The following PTCH2 variants were observed in gnomAD, a reference collection of about 807,000 sequenced individuals.
PTCH2 encodes protein patched homolog 2.
PTCH2 carries 96 observed loss-of-function variants against 117.9 expected under a neutral mutation model. That is an observed-to-expected ratio of 0.81 (90% CI 0.69 to 0.96). The LOEUF is 0.96. Ranked by LOEUF, PTCH2 falls within the 50% of genes least tolerant of loss-of-function variation. The pLI is 0.00. For synonymous variants in PTCH2, 615 were observed against 660.9 expected (o/e 0.93, Z 1.06); for missense variants, 1,379 against 1,562.5 (o/e 0.88, Z 1.98).
downstream of PTCH2, among the ~76,000 whole-genome samples, chr1:44,821,345 C>T (rs370393809): frequency 2.2e-4 from 34 of 152,190 alleles, no homozygotes; most frequent in Non-Finnish European, 4.7e-4. Context: ...GAGCAGTTCC[C>T]GCAACTGATC....
chr1:44,832,093 C>T (rs1653477121), intron 3 of PTCH2, 49 bp from the exon 4 acceptor site: 4 of 1,611,962 alleles, frequency 2.5e-6, no homozygotes, highest in African/African-American at 1.3e-5. Flanking sequence ...GGGATTCCCA[C>T]TCCAGAACCC....
chr1:44,828,037 G>A lies in PTCH2; in HGVS notation c.1864C>T (p.His622Tyr), dbSNP rs11573586. The A allele has an allele frequency of 0.012, 19,063 of 1,614,188 alleles. 126 individuals are homozygous for A. The highest frequency in any genetic ancestry group is 0.014 in the Non-Finnish European group (16,725 of 1,180,028). Residue 622 changes from histidine (H) to tyrosine (Y), a missense_variant, in exon 14 of 22, where the codon CAC becomes TAC. Physicochemically the swap from His to Tyr is moderately conservative, Grantham distance 83. Transcript: ENST00000372192. ...HVVTILPPQA[H>Y]LVPPPSDPLG... The stretch of plus-strand genomic sequence containing the variant: ...GGGTCAGAAGGTGGGGGCACCAGGT[G>A]GGCTTGGGGAGGCAGGATGGTGACC...
chr1:44,827,382 C>T lies in PTCH2; in HGVS notation c.2371+20G>A, dbSNP rs763650971. The T allele has an allele frequency of 6.2e-7, 1 of 1,613,758 alleles. No individual in the cohort carries two copies. The highest frequency in any genetic ancestry group is 1.1e-5 in the South Asian group (1 of 91,090). On this transcript the variant is annotated intron_variant, in intron 15 of 21. Coordinates refer to ENST00000372192, the MANE Select transcript of PTCH2 (RefSeq NM_003738.5). ...TTTCTCCCTGCAGCACCCCTCCCTG[C>T]CCGTCTCCTCGCCTCTCACCCTGTA... is the stretch of plus-strand genomic sequence containing the variant.
chr1:44,830,737 G>C, intron 6 of PTCH2, 111 bp downstream of exon 6: 1 of 1,125,376 alleles, frequency 8.9e-7, no homozygotes, highest in Non-Finnish European at 1.2e-6. Flanking sequence ...ATAATGGCCA[G>C]GAAGTGGGGG....
chr1:44,842,811 G>A (rs1654012515), intron 1 of PTCH2, 50 bp downstream of exon 1: 1 of 1,501,054 alleles, frequency 6.7e-7, no homozygotes, highest in Non-Finnish European at 9.1e-7. Flanking sequence ...AGGCCCGAGT[G>A]ACAGACCTGG....
Position 44,822,138 on chromosome 1 carries a change from A to G in PTCH2, c.*277T>C, listed in dbSNP as rs1573637810. ...CTCAGGCTTGGTCAGCTGGGCAGGC[A>G]GTGGTGTGGGGTGGGAAGGGGGACA... is the stretch of plus-strand genomic sequence containing the variant. On this transcript the variant is annotated 3_prime_UTR_variant, in exon 22 of 22. Transcript: ENST00000372192. The G allele has an allele frequency of 7.1e-7, 1 of 1,404,972 alleles. No individual in the cohort carries two copies. Among genetic ancestry groups the G allele is most frequent in the East Asian group, 2.7e-5 (1 of 36,750 alleles). The allele number at this position is 1,404,972 out of a possible 1,614,324, so 87.0% of individuals were successfully genotyped here.
At chr1:44,822,719 G>T in intron 21 of PTCH2, 50 bp from the exon 22 acceptor site, 1 of 1,568,102 alleles carries the variant, frequency 6.4e-7, no homozygotes, top group Non-Finnish European at 8.8e-7. Flanking sequence ...TGGGGCTCCC[G>T]TCCCCTTTAG....
chr1:44,829,404 T>C lies in PTCH2; in HGVS notation c.1213A>G (p.Met405Val), dbSNP rs780088473. Residue 405 changes from methionine to valine, a missense_variant and splice_region_variant, in exon 9 of 22, where the codon ATG becomes GTG. Physicochemically the swap from Met to Val is conservative, Grantham distance 21. Coordinates refer to ENST00000372192, the MANE Select transcript of PTCH2 (RefSeq NM_003738.5). ...AAGGTGCCAGGTGCAAGACCCACCA[T>C]GAGCAGATAGCCTCCCACCACACGG... ...AARVVGGYLL[M>V]LAYACVTMLR... 6 of 1,614,132 alleles carry C rather than the reference T, an allele frequency of 3.7e-6. No homozygotes were observed. The South Asian group carries it at 4.4e-5, about 12-fold the overall frequency.
intron 2 of PTCH2, among the ~76,000 whole-genome samples, chr1:44,837,563 T>G (rs1218208535): frequency 2.0e-5 from 3 of 152,072 alleles, no homozygotes; most frequent in African/African-American, 7.2e-5. Flanking sequence ...CCTTATTTTA[T>G]TTTTTAATTT....
chr1:44,822,294 GGA>G lies in PTCH2; in HGVS notation c.*119_*120del. The G allele has an allele frequency of 1.3e-6, 2 of 1,590,252 alleles. No homozygotes were observed. The highest frequency in any genetic ancestry group is 2.2e-5 in the South Asian group (2 of 89,570). On this transcript the variant is annotated 3_prime_UTR_variant, in exon 22 of 22. Coordinates refer to ENST00000372192, the MANE Select transcript of PTCH2 (RefSeq NM_003738.5). Reference sequence around the variant, plus strand: ...AGGGAGGCCCATGACAGCTGGGTCGGGAGAGGGGATGCAGCAGCAGCAGGGCC... The same window carrying G: ...AGGGAGGCCCATGACAGCTGGGTCGGGAGGGGATGCAGCAGCAGCAGGGCC...
At chr1:44,838,417 T>G (rs1189388088) in intron 2 of PTCH2, among the ~76,000 whole-genome samples, 1 of 152,110 alleles carries the variant, frequency 6.6e-6, no homozygotes, top group Non-Finnish European at 1.5e-5. Context: ...AATTTTGTAT[T>G]TGGAGTAGAG....
chr1:44,835,854 C>G (rs149196405), intron 2 of PTCH2, among the ~76,000 whole-genome samples: 103 of 152,318 alleles, frequency 6.8e-4, no homozygotes, highest in South Asian at 2.9e-3. Context: ...TGTTTCGGTA[C>G]TGCTAAGAGT....
chr1:44,838,316 A>T (rs1406960951), intron 2 of PTCH2, among the ~76,000 whole-genome samples: 2 of 152,156 alleles, frequency 1.3e-5, no homozygotes, highest in African/African-American at 2.4e-5. Context: ...ATCTCGGCTC[A>T]CTGCAAACTC....
intron 2 of PTCH2, among the ~76,000 whole-genome samples, chr1:44,841,535 G>A (rs755155183): frequency 1.3e-5 from 2 of 152,198 alleles, no homozygotes; most frequent in African/African-American, 2.4e-5. Flanking sequence ...GATGAATCTT[G>A]TTTTAGCTGC....
chr1:44,830,071 C>T (rs566261805), intron 6 of PTCH2, 41 bp from the exon 7 acceptor site: 37 of 1,609,628 alleles, frequency 2.3e-5, no homozygotes, highest in East Asian at 1.3e-4. Context: ...AGGCCCTGGC[C>T]GTGGATAACT....
In PTCH2 at chr1:44,823,482, C is replaced by T. The variant is rs1290787818; in HGVS notation, c.3115-97G>A. On this transcript the variant is annotated intron_variant, in intron 19 of 21. Transcript: ENST00000372192. The surrounding 1 kb of genome is among the most constrained non-coding windows in gnomAD (Gnocchi z 5.1). ...ATCTGTCTTCAGAGCTCAACGATACCTTGGCCCACCAAAGGCTGGGTGAAC... is the reference window on the plus strand; with the variant it reads ...ATCTGTCTTCAGAGCTCAACGATACTTTGGCCCACCAAAGGCTGGGTGAAC... The T allele has an allele frequency of 7.1e-6, 11 of 1,552,326 alleles. No individual in the cohort carries two copies. The African/African-American group carries it at 8.1e-5, about 11-fold the overall frequency.
chr1:44,825,144 T>A (rs1254090393), intron 19 of PTCH2, among the ~76,000 whole-genome samples: 1 of 152,196 alleles, frequency 6.6e-6, no homozygotes, highest in Non-Finnish European at 1.5e-5. Flanking sequence ...TCTTCTTTTT[T>A]TTCTTTTTTT....
chr1:44,830,713 G>T, intron 6 of PTCH2, 135 bp downstream of exon 6: 1 of 854,396 alleles, frequency 1.2e-6, no homozygotes, highest in Non-Finnish European at 1.7e-6. Flanking sequence ...GCCTGGCACT[G>T]TGGGAGCAGG....
At position 44,842,870 on chromosome 1, in the gene PTCH2, T is replaced by C. The variant is rs1395052786; in HGVS notation, c.63A>G (p.Ala21=). ...CTCCCCCTCTACTCACCTGGGGTGC[T>C]GCGGTTCGAGCTGGGGGTGTGTAAC... ...PPSYTPPART[A]APQILAGSLK... is the part of the protein sequence containing the mutation. The change falls in exon 1 of 22, where the codon GCA becomes GCG. Residue 21 remains alanine, a synonymous_variant. Coordinates refer to ENST00000372192, the MANE Select transcript of PTCH2 (RefSeq NM_003738.5). 1 of 1,550,144 alleles carries C rather than the reference T, an allele frequency of 6.5e-7. No individual in the cohort carries two copies. The highest frequency in any genetic ancestry group is 2.0e-5 in the Admixed American group (1 of 50,954).
Sources: gnomAD v4.1 joint callset for allele counts (sites outside exome capture counted in the v4.1 genomes callset) on GRCh38, gnomAD v4.1.1 for gene constraint, Gnocchi (gnomAD v3.1) non-coding constraint, MANE v1.5 for transcripts, NCBI Gene and HGNC (gene_info 2026-07-23, HGNC 2026-07-21) for gene names.